ZNF385D: variants seen among roughly 807,000 people sequenced by gnomAD.
ZNF385D encodes the protein zinc finger protein 659.
A neutral mutation model predicts 35.8 loss-of-function variants in ZNF385D; 15 were observed. The ratio of observed to expected loss-of-function variants is 0.42; its 90% confidence interval spans 0.28 to 0.64. The LOEUF (loss-of-function observed/expected upper bound fraction) is 0.64, where lower values mean the gene tolerates loss of function less well. Ranked by LOEUF, ZNF385D falls within the 30% of genes least tolerant of loss-of-function variation. The pLI is 0.23. For synonymous variants in ZNF385D, 212 were observed against 186.8 expected (o/e 1.13, Z -1.10); for missense variants, 474 against 494.6 (o/e 0.96, Z 0.39).
At chr3:21,748,905 C>A (rs530907833) in intron 1 of ZNF385D, among the ~76,000 whole-genome samples, 1 of 152,224 alleles carries the variant, frequency 6.6e-6, no homozygotes, top group Non-Finnish European at 1.5e-5. Flanking sequence ...ATTCTTTTTG[C>A]CCTCGCTCTT....
intron 2 of ZNF385D, among the ~76,000 whole-genome samples, chr3:22,203,711 C>A (rs938583636): frequency 6.6e-6 from 1 of 151,974 alleles, no homozygotes; most frequent in African/African-American, 2.4e-5. Flanking sequence ...CCAAATGGAC[C>A]GGTGGTTGTG....
chr3:21,864,615 A>G (rs1697233355), intron 3 of ZNF385D, among the ~76,000 whole-genome samples: 1 of 152,110 alleles, frequency 6.6e-6, no homozygotes, highest in African/African-American at 2.4e-5. Context: ...TACTAATAAA[A>G]TAATCAAATA....
chr3:22,089,316 TA>T (rs1379641304), intron 3 of ZNF385D, among the ~76,000 whole-genome samples: 1 of 152,216 alleles, frequency 6.6e-6, no homozygotes, highest in African/African-American at 2.4e-5. Flanking sequence ...GTGAGAGCCA[TA>T]AATTAATTGA....
chr3:22,250,918 G>C (rs1230461961), intron 2 of ZNF385D, among the ~76,000 whole-genome samples: 1 of 152,046 alleles, frequency 6.6e-6, no homozygotes, highest in Non-Finnish European at 1.5e-5. Flanking sequence ...ATGAGGACTT[G>C]AGAATCGACC....
rs114311527 is a variant in ZNF385D at position 22,251,036 on chromosome 3, A to G, written c.107-82001T>C. Among the ~76,000 whole-genome samples the G allele has an allele frequency of 6.0e-3, 920 of 152,198 alleles. 6 individuals carry two copies. Among genetic ancestry groups the G allele is most frequent in the African/African-American group, 0.021 (863 of 41,546 alleles). ...CCAATCAATCGCCCTTACCTCAGAA[A>G]AATAAAAACATCATGCCTGAAAAAT... On this transcript the variant is annotated intron_variant, in intron 2 of 5. Transcript: ENST00000494108.
In ZNF385D at chr3:21,429,199, TA is replaced by T. The variant is rs962651196; in HGVS notation, c.674-3530del. ...AATTTATTAGGTCACAAGATAAATT[TA>T]AAAAAAATTTTAAGGAAAAAACCCC... is the stretch of plus-strand genomic sequence containing the variant. On this transcript the variant is annotated intron_variant, in intron 5 of 7. Coordinates refer to ENST00000281523, the MANE Select transcript of ZNF385D (RefSeq NM_024697.3). Among the ~76,000 whole-genome samples, 28 of 151,606 alleles carry T rather than the reference TA, an allele frequency of 1.8e-4. No individual in the cohort carries two copies. In the East Asian group the frequency reaches 2.5e-3, roughly 14 times the overall value.
intron 3 of ZNF385D, among the ~76,000 whole-genome samples, chr3:21,766,530 T>G (rs566281754): frequency 6.6e-6 from 1 of 152,228 alleles, no homozygotes; most frequent in East Asian, 1.9e-4. Flanking sequence ...GATTTTGTCC[T>G]TTATTTCAAT....
intron 2 of ZNF385D, among the ~76,000 whole-genome samples, chr3:21,660,711 C>T (rs569304450): frequency 6.6e-6 from 1 of 152,186 alleles, no homozygotes; most frequent in Non-Finnish European, 1.5e-5. Context: ...CTGGCCCAAG[C>T]CATTCTCCTT....
At chr3:21,880,047 TG>T (rs1698197424) in intron 3 of ZNF385D, among the ~76,000 whole-genome samples, 1 of 151,960 alleles carries the variant, frequency 6.6e-6, no homozygotes, top group Admixed American at 6.6e-5. Context: ...AAAAATACTA[TG>T]GGTATGCAAA....
intron 2 of ZNF385D, among the ~76,000 whole-genome samples, chr3:21,574,794 A>C (rs2125687295): frequency 6.6e-6 from 1 of 152,232 alleles, no homozygotes; most frequent in African/African-American, 2.4e-5. Context: ...CATGTTCAGA[A>C]TATTCCATAA....
chr3:21,707,986 C>T (rs901352816), intron 1 of ZNF385D, among the ~76,000 whole-genome samples: 2 of 152,032 alleles, frequency 1.3e-5, no homozygotes, highest in Admixed American at 6.6e-5. Context: ...GTCCTGGGTC[C>T]GGCACTACGG....
chr3:22,224,459 G>T (rs555596085), intron 2 of ZNF385D, among the ~76,000 whole-genome samples: 1 of 152,166 alleles, frequency 6.6e-6, no homozygotes, highest in Non-Finnish European at 1.5e-5. Flanking sequence ...ATACCTTCAA[G>T]AAACTTCAAA....
intron 3 of ZNF385D, among the ~76,000 whole-genome samples, chr3:21,992,970 C>A (rs988353370): frequency 2.0e-5 from 3 of 152,120 alleles, no homozygotes; most frequent in African/African-American, 7.2e-5. Flanking sequence ...GTCAAATCAC[C>A]CACAGGAGTA....
chr3:21,549,478 G>A (rs1245762860), intron 3 of ZNF385D, among the ~76,000 whole-genome samples: 2 of 152,196 alleles, frequency 1.3e-5, no homozygotes, highest in Non-Finnish European at 2.9e-5. Flanking sequence ...GAACTAGCAA[G>A]GTTGTGAGAT....
At chr3:21,956,975 G>T (rs1215053430) in intron 3 of ZNF385D, among the ~76,000 whole-genome samples, 1 of 151,984 alleles carries the variant, frequency 6.6e-6, no homozygotes, top group Non-Finnish European at 1.5e-5. Context: ...ATTCCGACGT[G>T]TTGTGGGAGG....
At chr3:22,372,072 T>C (rs1575222320) in intron 2 of ZNF385D, among the ~76,000 whole-genome samples, 1 of 151,932 alleles carries the variant, frequency 6.6e-6, no homozygotes, top group Admixed American at 6.6e-5. Flanking sequence ...AGGACGTCCT[T>C]ACCGGGTGGC....
At chr3:21,696,864 T>C (rs191380018) in intron 1 of ZNF385D, among the ~76,000 whole-genome samples, 137 of 152,378 alleles carry the variant, frequency 9.0e-4, no homozygotes, top group Middle Eastern at 6.8e-3. Context: ...ATTGGTTTTC[T>C]CTGGCTGGTA....
intron 3 of ZNF385D, among the ~76,000 whole-genome samples, chr3:21,834,686 G>A (rs775316312): frequency 3.3e-5 from 5 of 152,158 alleles, no homozygotes; most frequent in Admixed American, 6.6e-5. Flanking sequence ...ACAGACTGAT[G>A]ATGTTTGGCT....
chr3:21,824,553 C>T (rs1451190395), intron 3 of ZNF385D, among the ~76,000 whole-genome samples: 1 of 151,870 alleles, frequency 6.6e-6, no homozygotes, highest in Non-Finnish European at 1.5e-5. Context: ...GCTAATGTAT[C>T]CTCATCATAT....
Sources: gnomAD v4.1 joint callset for allele counts (sites outside exome capture counted in the v4.1 genomes callset) on GRCh38, gnomAD v4.1.1 for gene constraint, MANE v1.5 for transcripts, NCBI Gene and HGNC (gene_info 2026-07-23, HGNC 2026-07-21) for gene names.